The following NT5C1B variants were observed in gnomAD, a reference collection of about 807,000 sequenced individuals.
The protein encoded by NT5C1B is 5'-nucleotidase, cytosolic IB, also known as cytosolic 5'-nucleotidase 1B.
In NT5C1B, 44 loss-of-function variants were observed where a neutral mutation model predicts 57.8. The ratio of observed to expected loss-of-function variants is 0.76; its 90% CI spans 0.60 to 0.98. The LOEUF (loss-of-function observed/expected upper bound fraction) is 0.98, where lower values mean the gene tolerates loss of function less well. Ranked by LOEUF, NT5C1B falls within the 50% of genes least tolerant of loss-of-function variation. The probability of loss-of-function intolerance (pLI) is 0.00; values close to 1 mark genes in which losing one functional copy is unlikely to be tolerated. For synonymous variants in NT5C1B, 284 were observed against 282.6 expected, an observed-to-expected ratio of 1.00 and a Z score of -0.05; for missense variants, 742 against 719.5, an observed-to-expected ratio of 1.03 and a Z score of -0.36.
intron 8 of NT5C1B, among the ~76,000 whole-genome samples, chr2:18,566,139 A>AT (rs911020504): frequency 6.6e-6 from 1 of 151,878 alleles, no homozygotes; most frequent in Non-Finnish European, 1.5e-5. Context: ...CTGTTATTAG[A>AT]TTTTTTTCTT....
At position 18,584,276 on chromosome 2, in the gene NT5C1B, G is replaced by A. The variant is rs768194411; in HGVS notation, c.724-21C>T. 39 of 1,609,926 alleles carry A rather than the reference G, an allele frequency of 2.4e-5. No individual in the cohort carries two copies. The highest frequency in any genetic ancestry group is 3.1e-5 in the Non-Finnish European group (37 of 1,177,480). ...TTGGGCTGCAGAGAGGGACGCCAAA[G>A]GGAGGATAGTCACATAGCCACGAAG... On this transcript the variant is annotated intron_variant, in intron 4 of 8. Transcript: ENST00000304081. This position sits in a 1 kb window ranked among gnomAD's most constrained non-coding sequence, Gnocchi z 5.8.
intron 8 of NT5C1B, among the ~76,000 whole-genome samples, chr2:18,571,765 T>C (rs1423530418): frequency 1.8e-5 from 2 of 112,154 alleles, no homozygotes; most frequent in Non-Finnish European, 3.5e-5. Context: ...TATATATATA[T>C]GTTAATTTTA....
In NT5C1B at chr2:18,563,979, C is replaced by CTTCA; in HGVS notation, c.1466_1469dup (p.Lys490AsnfsTer36). 2 of 1,614,200 alleles carry CTTCA rather than the reference C, an allele frequency of 1.2e-6. No individual in the cohort carries two copies. Among genetic ancestry groups the CTTCA allele is most frequent in the South Asian group, 1.1e-5 (1 of 91,086 alleles). On this transcript the variant is annotated frameshift_variant, in exon 9 of 9. Coordinates refer to ENST00000304081, the Ensembl canonical transcript of NT5C1B. LOFTEE classifies it high-confidence loss of function. ...TCTCTAGACCCCAGCGTCGAAGGGT[C>CTTCA]TTCAGCACACGGGCGCCTGAACTGG...
chr2:18,576,380 T>C lies in NT5C1B; in HGVS notation c.1145-12A>G, dbSNP rs771844390. Reference sequence around the variant, plus strand: ...CGCAGAGGCAATACCTGATAGATCATGGAGACTGATTAATACTCTTCTCAG... The same window carrying C: ...CGCAGAGGCAATACCTGATAGATCACGGAGACTGATTAATACTCTTCTCAG... On this transcript the variant is annotated splice_polypyrimidine_tract_variant and intron_variant, in intron 7 of 8. Coordinates refer to ENST00000304081, the Ensembl canonical transcript of NT5C1B. 1.2e-6 allele frequency: 2 copies of C among 1,607,732 alleles called. No individual in the cohort carries two copies. Among genetic ancestry groups the C allele is most frequent in the East Asian group, 2.2e-5 (1 of 44,844 alleles).
chr2:18,585,205 T>C (rs991446172), intron 3 of NT5C1B: 4 of 775,936 alleles, frequency 5.2e-6, no homozygotes, highest in Non-Finnish European at 9.3e-6. Context: ...AGCTTCCCCA[T>C]AAGCATTTCA....
At chr2:18,589,282 T>C (rs1189990675) in intron 1 of NT5C1B, among the ~76,000 whole-genome samples, 157 bp downstream of exon 1, 2 of 152,246 alleles carry the variant, frequency 1.3e-5, no homozygotes, top group East Asian at 3.8e-4. Context: ...CTGTACTCTT[T>C]CCATTGCCTT....
At chr2:18,567,987 T>C (rs949292782) in intron 8 of NT5C1B, among the ~76,000 whole-genome samples, 6 of 150,918 alleles carry the variant, frequency 4.0e-5, no homozygotes, top group Non-Finnish European at 8.8e-5. Context: ...GAAGAAATAA[T>C]GAGTGAACTT....
chr2:18,570,069 A>AAT (rs1665012208), intron 8 of NT5C1B, among the ~76,000 whole-genome samples: 1 of 152,146 alleles, frequency 6.6e-6, no homozygotes, highest in Admixed American at 6.5e-5. Flanking sequence ...ATAAACTCCA[A>AAT]ATATATGATA....
Position 18,563,839 on chromosome 2 carries a change from C to T in NT5C1B, c.1610G>A (p.Gly537Asp), listed in dbSNP as rs1231952177. Residue 537 changes from glycine to aspartate, a missense_variant, in exon 9 of 9, where the codon GGT becomes GAT. Physicochemically the swap from Gly to Asp is moderately conservative, Grantham distance 94. Transcript: ENST00000304081. The stretch of plus-strand genomic sequence containing the variant: ...ATTAAAGCCATAAGCTGCGATGGAA[C>T]CTAACCTCTGTGCCCCTTCAATGTG... The T allele has an allele frequency of 3.1e-6, 5 of 1,604,482 alleles. No individual in the cohort carries two copies. Among genetic ancestry groups the T allele is most frequent in the Non-Finnish European group, 4.3e-6 (5 of 1,174,664 alleles).
At chr2:18,570,458 A>C (rs1472985265) in intron 8 of NT5C1B, among the ~76,000 whole-genome samples, 1 of 152,118 alleles carries the variant, frequency 6.6e-6, no homozygotes, top group Non-Finnish European at 1.5e-5. Context: ...AAACACTCTA[A>C]GAGTTTATGT....
intron 7 of NT5C1B, among the ~76,000 whole-genome samples, 168 bp downstream of exon 7, chr2:18,576,605 A>G (rs1665698766): frequency 6.6e-6 from 1 of 152,202 alleles, no homozygotes. Flanking sequence ...GTCCATTTCC[A>G]GGAAAGTCAA....
chr2:18,580,472 G>A (rs1047169109), intron 6 of NT5C1B, among the ~76,000 whole-genome samples: 2 of 152,072 alleles, frequency 1.3e-5, no homozygotes, highest in African/African-American at 4.8e-5. Context: ...AAAATTAGTC[G>A]GGCGTGGTGG....
intron 8 of NT5C1B, among the ~76,000 whole-genome samples, chr2:18,564,852 T>G (rs1219892785): frequency 6.6e-6 from 1 of 152,162 alleles, no homozygotes; most frequent in Non-Finnish European, 1.5e-5. Context: ...TGTGGGTGGT[T>G]CTTCTGACAT....
Position 18,564,137 on chromosome 2 carries a change from A to G in NT5C1B, c.1330-18T>C, listed in dbSNP as rs1232377089. 1 of 1,534,968 alleles carries G rather than the reference A, an allele frequency of 6.5e-7. No individual in the cohort carries two copies. Among genetic ancestry groups the G allele is most frequent in the East Asian group, 2.3e-5 (1 of 44,118 alleles). Reference sequence around the variant, plus strand: ...AGGGGACCCTGTAAAAGGAACATATATCACAGCTGTGATACAGTGAGCCAA... The same window carrying G: ...AGGGGACCCTGTAAAAGGAACATATGTCACAGCTGTGATACAGTGAGCCAA... On this transcript the variant is annotated intron_variant, in intron 8 of 8. Transcript: ENST00000304081.
Position 18,584,497 on chromosome 2 carries a change from G to A in NT5C1B, c.723+17C>T, listed in dbSNP as rs767996168. 1.9e-6 allele frequency: 3 copies of A among 1,601,944 alleles called. No homozygotes were observed. The South Asian group carries it at 3.3e-5, about 18-fold the overall frequency. ...AGGAAGGGCGCCCCGGCTGCCAGGGGCGGCGGGCTGGCTCACCGGCCAGGG... is the reference window on the plus strand; with the variant it reads ...AGGAAGGGCGCCCCGGCTGCCAGGGACGGCGGGCTGGCTCACCGGCCAGGG... On this transcript the variant is annotated intron_variant, in intron 4 of 8. Transcript: ENST00000304081. This position sits in a 1 kb window ranked among gnomAD's most constrained non-coding sequence, Gnocchi z 5.8.
Position 18,587,104 on chromosome 2 carries a change from G to A in NT5C1B, c.120+399C>T, listed in dbSNP as rs199544140. The A allele has an allele frequency of 8.5e-5, 137 of 1,613,940 alleles. No individual in the cohort carries two copies. Among genetic ancestry groups the A allele is most frequent in the Non-Finnish European group, 1.1e-4 (124 of 1,179,980 alleles). On this transcript the variant is annotated intron_variant, in intron 2 of 8. Coordinates refer to ENST00000304081, the Ensembl canonical transcript of NT5C1B. ...GTTCCCTCAGCTGCACAAAGGCAGC[G>A]TCTACACGACGAGTGACCCTGGAAG...
Position 18,586,405 on chromosome 2 carries a change from A to G in NT5C1B, c.121-14T>C. 4 of 1,613,752 alleles carry G rather than the reference A, an allele frequency of 2.5e-6. No individual in the cohort carries two copies. The highest frequency in any genetic ancestry group is 3.4e-6 in the Non-Finnish European group (4 of 1,179,876). On this transcript the variant is annotated splice_polypyrimidine_tract_variant and intron_variant, in intron 2 of 8. Transcript: ENST00000304081. ...TTCTTGTGATCCCTGTGATGGAAAG[A>G]AGAAACCCAACGGTGTAAAACCCCA...
chr2:18,563,933 C>A (rs1189657780), exon 9 of NT5C1B: 2 of 1,614,052 alleles, frequency 1.2e-6, no homozygotes, highest in African/African-American at 1.3e-5. Flanking sequence ...GGGGCTCCAG[C>A]AAGGAAAAGA....
intron 8 of NT5C1B, among the ~76,000 whole-genome samples, chr2:18,574,237 A>G (rs1375753131): frequency 6.6e-6 from 1 of 152,114 alleles, no homozygotes; most frequent in African/African-American, 2.4e-5. Flanking sequence ...CACATTAATC[A>G]TCAGAGAAAT....
Sources: gnomAD v4.1 joint callset for allele counts (sites outside exome capture counted in the v4.1 genomes callset) on GRCh38, gnomAD v4.1.1 for gene constraint, Gnocchi (gnomAD v3.1) non-coding constraint, MANE v1.5 for transcripts, NCBI Gene and HGNC (gene_info 2026-07-23, HGNC 2026-07-21) for gene names.